The following FREM3 variants were observed in gnomAD, a reference collection of about 807,000 sequenced individuals.
FREM3 encodes the protein FRAS1-related extracellular matrix protein 3.
FREM3 carries 105 observed loss-of-function variants against 129.1 expected under a neutral mutation model. The observed-to-expected ratio is 0.81, with a 90% confidence interval of 0.69 to 0.96. The LOEUF is 0.96. Among genes scored for constraint, FREM3 ranks in the 40% least tolerant of loss-of-function variants. The pLI is 0.00. For missense variants in FREM3, 2,593 were observed against 2,666.3 expected (o/e 0.97, Z 0.61); for synonymous variants, 1,014 against 1,044.9 (o/e 0.97, Z 0.57).
intron 2 of FREM3, among the ~76,000 whole-genome samples, chr4:143,666,143 CTTGAACATTT>C (rs1739856008): frequency 6.6e-6 from 1 of 152,028 alleles, no homozygotes; most frequent in South Asian, 2.1e-4. Flanking sequence ...TGCAGAGGTT[CTTGAACATTT>C]TTGTGCCATG....
At chr4:143,662,758 T>C (rs1739761451) in intron 2 of FREM3, among the ~76,000 whole-genome samples, 1 of 152,068 alleles carries the variant, frequency 6.6e-6, no homozygotes, top group African/African-American at 2.4e-5. Context: ...TTTATGAATC[T>C]GGGTGCTCCT....
At chr4:143,694,392 A>G (rs1740528490) in intron 1 of FREM3, among the ~76,000 whole-genome samples, 1 of 152,216 alleles carries the variant, frequency 6.6e-6, no homozygotes, top group Non-Finnish European at 1.5e-5. Flanking sequence ...ATCCTAAGAA[A>G]AAAGAAAATG....
chr4:143,661,828 G>A (rs1392006502), intron 2 of FREM3, among the ~76,000 whole-genome samples: 1 of 152,184 alleles, frequency 6.6e-6, no homozygotes, highest in Non-Finnish European at 1.5e-5. Flanking sequence ...GAGGGTGTAT[G>A]TGTGAAGGAA....
intron 2 of FREM3, among the ~76,000 whole-genome samples, chr4:143,643,605 A>T (rs902196146): frequency 5.9e-5 from 9 of 151,862 alleles, no homozygotes; most frequent in African/African-American, 1.5e-4. Flanking sequence ...ATTTTTTTTT[A>T]AAAGTTGGTG....
At position 143,700,232 on chromosome 4, in the gene FREM3, C is replaced by T. The variant is rs139053530; in HGVS notation, c.444G>A (p.Pro148=). The T allele has an allele frequency of 2.0e-5, 31 of 1,536,864 alleles. No homozygotes were observed. In the East Asian group the frequency reaches 3.9e-4, roughly 19 times the overall value. The part of the protein sequence containing the change: ...RVLLQLRYDA[P]THTLVLPFTL... The stretch of plus-strand genomic sequence containing the variant: ...TGAAGGGCAGCACCAGAGTGTGAGT[C>T]GGGGCGTCGTAGCGCAGCTGCAGCA... The change falls in exon 1 of 8, where the codon CCG becomes CCA. Residue 148 remains proline (P), a synonymous_variant. Transcript: ENST00000329798.
At chr4:143,685,028 A>G (rs1740333935) in intron 2 of FREM3, among the ~76,000 whole-genome samples, 1 of 152,182 alleles carries the variant, frequency 6.6e-6, no homozygotes, top group Non-Finnish European at 1.5e-5. Context: ...ACCTAAGAAT[A>G]ATCGGTGTTT....
At chr4:143,617,492 T>TA (rs1183573530) in intron 5 of FREM3, among the ~76,000 whole-genome samples, 4 of 152,212 alleles carry the variant, frequency 2.6e-5, no homozygotes, top group African/African-American at 9.7e-5. Context: ...ACAGATAATT[T>TA]AAGATATTTA....
At chr4:143,663,251 C>T (rs1213899825) in intron 2 of FREM3, among the ~76,000 whole-genome samples, 1 of 151,998 alleles carries the variant, frequency 6.6e-6, no homozygotes, top group African/African-American at 2.4e-5. Flanking sequence ...TTAGTGCTTC[C>T]TTCAGGAGCT....
At chr4:143,643,443 TATATAA>T (rs1267994145) in intron 2 of FREM3, among the ~76,000 whole-genome samples, 1 of 151,684 alleles carries the variant, frequency 6.6e-6, no homozygotes, top group African/African-American at 2.4e-5. Flanking sequence ...ATATATAAAG[TATATAA>T]ATATAAACAC....
chr4:143,584,016 A>G (rs1397189592), intron 7 of FREM3, among the ~76,000 whole-genome samples: 2 of 152,272 alleles, frequency 1.3e-5, no homozygotes, highest in African/African-American at 4.8e-5. Flanking sequence ...ACAGAGTTGC[A>G]AGTTAGATAA....
chr4:143,592,451 C>T (rs1738383030), intron 6 of FREM3, among the ~76,000 whole-genome samples: 1 of 152,302 alleles, frequency 6.6e-6, no homozygotes, highest in South Asian at 2.1e-4. Flanking sequence ...GACAAAATCT[C>T]TCAGCATTTG....
At chr4:143,647,822 A>G (rs944010879) in intron 2 of FREM3, among the ~76,000 whole-genome samples, 1 of 152,172 alleles carries the variant, frequency 6.6e-6, no homozygotes, top group African/African-American at 2.4e-5. Flanking sequence ...GCAGAAGGGA[A>G]ATGTGGGGTT....
At chr4:143,664,471 C>T (rs554128872) in intron 2 of FREM3, among the ~76,000 whole-genome samples, 7 of 152,094 alleles carry the variant, frequency 4.6e-5, no homozygotes, top group Non-Finnish European at 1.0e-4. Flanking sequence ...AGTACCCTGC[C>T]GTGTGAGGTG....
chr4:143,678,190 C>G (rs1004448023), intron 2 of FREM3, among the ~76,000 whole-genome samples: 1 of 152,168 alleles, frequency 6.6e-6, no homozygotes, highest in Non-Finnish European at 1.5e-5. Context: ...CACATATACA[C>G]CATGGAATAC....
chr4:143,591,430 C>G (rs1467376916), intron 6 of FREM3, among the ~76,000 whole-genome samples: 9 of 152,104 alleles, frequency 5.9e-5, no homozygotes, highest in East Asian at 5.8e-4. Flanking sequence ...AGAGATTCTG[C>G]TATGTTGTGT....
chr4:143,676,975 A>G (rs1450751873), intron 2 of FREM3, among the ~76,000 whole-genome samples: 2 of 152,234 alleles, frequency 1.3e-5, no homozygotes, highest in Non-Finnish European at 2.9e-5. Context: ...ACCCAAGGTA[A>G]TTTATAGATT....
chr4:143,659,050 G>A (rs1739652065), intron 2 of FREM3, among the ~76,000 whole-genome samples: 1 of 139,644 alleles, frequency 7.2e-6, no homozygotes, highest in African/African-American at 2.6e-5. Flanking sequence ...TTTTTTATGT[G>A]CCCCCACTTG....
At chr4:143,623,842 G>A (rs536037566) in intron 4 of FREM3, among the ~76,000 whole-genome samples, 4 of 152,222 alleles carry the variant, frequency 2.6e-5, no homozygotes, top group Non-Finnish European at 4.4e-5. Flanking sequence ...TACCTATGGC[G>A]TGCAGAAAGC....
chr4:143,648,345 A>G (rs1231173657), intron 2 of FREM3, among the ~76,000 whole-genome samples: 1 of 152,214 alleles, frequency 6.6e-6, no homozygotes, highest in Non-Finnish European at 1.5e-5. Context: ...GAATGAGTTA[A>G]AACTTTAGGG....
Sources: allele counts gnomAD v4.1 joint callset (sites outside exome capture counted in the v4.1 genomes callset), GRCh38; gene constraint gnomAD v4.1.1; transcripts MANE v1.5; gene names NCBI Gene and HGNC (gene_info 2026-07-23, HGNC 2026-07-21).